Variants in DTNA observed in about 807,000 individuals in gnomAD.
DTNA encodes the protein dystrophin-related protein 3.
In DTNA, 43 loss-of-function variants were observed where a neutral mutation model predicts 100.7. That is an observed-to-expected ratio of 0.43 (90% confidence interval 0.33 to 0.55). DTNA has a LOEUF of 0.55. Ranked by LOEUF, DTNA falls within the 20% of genes least tolerant of loss-of-function variation. DTNA has a pLI of 0.04. For synonymous variants in DTNA, 349 were observed against 347.9 expected (o/e 1.00, Z -0.04); for missense variants, 798 against 953.9 (o/e 0.84, Z 2.15).
chr18:34,792,192 G>A (rs2094777196), intron 3 of DTNA, among the ~76,000 whole-genome samples: 2 of 150,056 alleles, frequency 1.3e-5, no homozygotes. Flanking sequence ...TTAGGTTTTT[G>A]TTTTTCTTTA....
chr18:34,719,339 A>T (rs1042903548), intron 1 of DTNA, among the ~76,000 whole-genome samples: 1 of 146,824 alleles, frequency 6.8e-6, no homozygotes, highest in African/African-American at 2.6e-5. Context: ...GTGAGACTTC[A>T]TCTCAAAAAA....
intron 1 of DTNA, among the ~76,000 whole-genome samples, chr18:34,551,805 A>G (rs1440810641): frequency 6.6e-6 from 1 of 152,158 alleles, no homozygotes; most frequent in Non-Finnish European, 1.5e-5. Flanking sequence ...AAAACCTTTC[A>G]GTGACTTTCT....
intron 17 of DTNA, among the ~76,000 whole-genome samples, chr18:34,874,242 G>A (rs1450015646): frequency 3.3e-5 from 5 of 152,138 alleles, no homozygotes; most frequent in Non-Finnish European, 7.3e-5. Flanking sequence ...GGCCTTGCTG[G>A]AGAAGAATTC....
chr18:34,825,689 A>G (rs1262278623), intron 9 of DTNA, among the ~76,000 whole-genome samples: 2 of 152,200 alleles, frequency 1.3e-5, no homozygotes, highest in Non-Finnish European at 2.9e-5. Context: ...CCATTTGCTG[A>G]GAAACCTTGA....
Position 34,888,534 on chromosome 18 carries a change from T to A in DTNA, c.*800T>A, listed in dbSNP as rs1196450021. The A allele has an allele frequency of 1.0e-6, 1 of 985,578 alleles. No homozygotes were observed. The highest frequency in any genetic ancestry group is 1.2e-6 in the Non-Finnish European group (1 of 829,770). 61.1% of individuals were successfully genotyped at this position (985,578 alleles called of 1,614,324 possible). On this transcript the variant is annotated 3_prime_UTR_variant, in exon 23 of 23. Transcript: ENST00000444659. ...CATAGAATTTAGTGTAAATATTTTT[T>A]TTTCCAAATAGATATCATATTCAAA... is the stretch of plus-strand genomic sequence containing the variant.
At chr18:34,714,810 A>T (rs908572486) in intron 1 of DTNA, among the ~76,000 whole-genome samples, 5 of 152,190 alleles carry the variant, frequency 3.3e-5, no homozygotes, top group African/African-American at 1.2e-4. Flanking sequence ...ACCAAGCCAA[A>T]CGTCCAACAA....
chr18:34,761,868 G>A (rs1031391609), intron 2 of DTNA, among the ~76,000 whole-genome samples: 9 of 151,694 alleles, frequency 5.9e-5, no homozygotes, highest in Admixed American at 2.0e-4. Flanking sequence ...CAGATTTAAC[G>A]AATTATATTC....
At chr18:34,773,803 A>G (rs374692961) in intron 3 of DTNA, among the ~76,000 whole-genome samples, 55 of 152,318 alleles carry the variant, frequency 3.6e-4, no homozygotes, top group African/African-American at 1.3e-3. Context: ...TGGATGAGAA[A>G]AGCAATGATT....
intron 1 of DTNA, among the ~76,000 whole-genome samples, chr18:34,726,266 A>C (rs576228349): frequency 9.6e-4 from 146 of 152,278 alleles, no homozygotes; most frequent in African/African-American, 3.2e-3. Flanking sequence ...AAAAATAAAA[A>C]GAAAGATTTG....
At chr18:34,870,644 G>T (rs2096756247) in intron 17 of DTNA, among the ~76,000 whole-genome samples, 1 of 151,888 alleles carries the variant, frequency 6.6e-6, no homozygotes, top group Admixed American at 6.6e-5. Flanking sequence ...GTCTACCCTG[G>T]AGGTCCCGAG....
At position 34,851,849 on chromosome 18, in the gene DTNA, A is replaced by G; in HGVS notation, c.1453A>G (p.Ser485Gly). 1 of 1,614,056 alleles carries G rather than the reference A, an allele frequency of 6.2e-7. No homozygotes were observed. The highest frequency in any genetic ancestry group is 1.1e-5 in the South Asian group (1 of 91,086). ...SSSSQPPQQRSAPDISFTIDA... is the reference protein window; with the variant it reads ...SSSSQPPQQRGAPDISFTIDA... Reference sequence around the variant, plus strand: ...TTTACAGCAGCCACCTCAGCAGAGAAGTGCTCCTGACATCTCTTTCACCAT... The same window carrying G: ...TTTACAGCAGCCACCTCAGCAGAGAGGTGCTCCTGACATCTCTTTCACCAT... Residue 485 changes from serine to glycine, a missense_variant, in exon 15 of 23, where the codon AGT becomes GGT. By Grantham distance (56) the Ser-to-Gly change is moderately conservative (BLOSUM62 0). Around this residue, in one of 6 missense-constraint regions of DTNA, gnomAD observed 159 missense variants for 201.2 expected, o/e 0.79. Coordinates refer to ENST00000444659, the MANE Select transcript of DTNA (RefSeq NM_001386795.1).
intron 1 of DTNA, among the ~76,000 whole-genome samples, chr18:34,703,967 C>A (rs897821222): frequency 1.1e-4 from 16 of 152,140 alleles, no homozygotes; most frequent in Non-Finnish European, 1.8e-4. Flanking sequence ...TTCTTTCCCC[C>A]AAATCACCTT....
chr18:34,510,409 G>T (rs2040943561), intron 1 of DTNA, among the ~76,000 whole-genome samples: 1 of 151,710 alleles, frequency 6.6e-6, no homozygotes, highest in Admixed American at 6.6e-5. Flanking sequence ...AAACATTTTG[G>T]TTCCTTGCGT....
At chr18:34,881,660 A>G (rs2096874841) in intron 20 of DTNA, among the ~76,000 whole-genome samples, 1 of 152,052 alleles carries the variant, frequency 6.6e-6, no homozygotes, top group African/African-American at 2.4e-5. Context: ...ATTTCACTAG[A>G]GGGCTCACTC....
intron 17 of DTNA, among the ~76,000 whole-genome samples, chr18:34,869,871 A>C (rs532889832): frequency 1.3e-5 from 2 of 152,280 alleles, no homozygotes; most frequent in East Asian, 3.9e-4. Context: ...AATACAAAAA[A>C]TTAGCCGGGC....
chr18:34,591,499 A>C (rs2049717980), intron 1 of DTNA, among the ~76,000 whole-genome samples: 1 of 152,196 alleles, frequency 6.6e-6, no homozygotes, highest in Admixed American at 6.5e-5. Context: ...GAGCAGCTGA[A>C]TGTGAACCAT....
Position 34,698,121 on chromosome 18 carries a change from T to G in DTNA, c.-1-57855T>G, listed in dbSNP as rs978207088. On this transcript the variant is annotated intron_variant, in intron 1 of 19. Coordinates refer to the DTNA transcript ENST00000283365. ...CTCTTGTTGGGTCTTGCCTCTCCAC[T>G]CGTCCTGTGCCCAGTCATACAGAAC... Among the ~76,000 whole-genome samples, 5 of 152,318 alleles carry G rather than the reference T, an allele frequency of 3.3e-5. No individual in the cohort carries two copies. In the Middle Eastern group the frequency reaches 0.01, roughly 311 times the overall value.
intron 1 of DTNA, among the ~76,000 whole-genome samples, chr18:34,527,698 A>G (rs533199753): frequency 2.6e-5 from 4 of 152,218 alleles, no homozygotes; most frequent in African/African-American, 7.2e-5. Context: ...CAGAGAAGCA[A>G]TTCTGTGGAG....
chr18:34,813,796 T>C (rs1602511612), intron 6 of DTNA, among the ~76,000 whole-genome samples: 1 of 145,950 alleles, frequency 6.9e-6, no homozygotes. Context: ...GAGCCAAGAT[T>C]GTGCCACTGC....
Sources: gnomAD v4.1 joint callset for allele counts (sites outside exome capture counted in the v4.1 genomes callset) on GRCh38, gnomAD v4.1.1 for gene constraint, gnomAD v4.1.1 regional missense constraint, MANE v1.5 for transcripts, NCBI Gene and HGNC (gene_info 2026-07-23, HGNC 2026-07-21) for gene names.